TPD52: variants seen among roughly 807,000 people sequenced by gnomAD.
The protein encoded by TPD52 is prostate and colon associated protein.
TPD52 carries 17 observed loss-of-function variants against 31.3 expected under a neutral mutation model. The observed-to-expected ratio is 0.54, with a 90% CI of 0.37 to 0.82. The LOEUF (loss-of-function observed/expected upper bound fraction) is 0.82. TPD52 is among the 40% of genes least tolerant of loss of function. The pLI is 0.00. For synonymous variants in TPD52, 83 were observed against 89.6 expected, an observed-to-expected ratio of 0.93 and a Z score of 0.42; for missense variants, 212 against 240.1, an observed-to-expected ratio of 0.88 and a Z score of 0.77.
intron 1 of TPD52, among the ~76,000 whole-genome samples, chr8:80,133,314 C>T (rs1049815403): frequency 7.9e-5 from 12 of 152,126 alleles, no homozygotes; most frequent in African/African-American, 2.9e-4. Context: ...CGGTGACAGC[C>T]TGTGATTGAC....
intron 5 of TPD52, among the ~76,000 whole-genome samples, chr8:80,044,584 TGCACACAC>T: frequency 7.2e-6 from 1 of 139,260 alleles, no homozygotes; most frequent in Non-Finnish European, 1.5e-5. Context: ...AAATGAAGCA[TGCACACAC>T]ACACATACAC....
intron 5 of TPD52, among the ~76,000 whole-genome samples, chr8:80,049,503 G>A (rs535798443): frequency 1.3e-4 from 20 of 152,198 alleles, no homozygotes; most frequent in African/African-American, 3.9e-4. Context: ...AGGGGTAAGT[G>A]TCACCAAGAT....
rs1421342927 is a variant in TPD52 at position 80,171,354 on chromosome 8, C to T, written c.19+71G>A. ...AGCCGCCGGGCCGCGCTCAGCCCCG[C>T]GCCGAGCCAAAGCCCGAGTCCAAGC... On this transcript the variant is annotated intron_variant, in intron 1 of 7. Coordinates refer to ENST00000518937, the MANE Select transcript of TPD52 (RefSeq NM_001025253.3). 10 of 1,575,554 alleles carry T rather than the reference C, an allele frequency of 6.3e-6. No individual in the cohort carries two copies. In the Admixed American group the frequency reaches 1.7e-4, roughly 27 times the overall value.
intron 1 of TPD52, among the ~76,000 whole-genome samples, chr8:80,095,597 G>A (rs751545415): frequency 2.0e-5 from 3 of 152,154 alleles, no homozygotes; most frequent in Non-Finnish European, 4.4e-5. Context: ...AACTAGGGGC[G>A]TGAAGGAACT....
chr8:80,072,317 A>ATATGTGTGCGTGTGTG (rs1554582865), intron 1 of TPD52, among the ~76,000 whole-genome samples: 19 of 121,312 alleles, frequency 1.6e-4, no homozygotes, highest in African/African-American at 5.5e-4. Flanking sequence ...AAAAACATAT[A>ATATGTGTGCGTGTGTG]TGTGTGTGTG....
intron 1 of TPD52, among the ~76,000 whole-genome samples, chr8:80,145,530 C>T (rs994718009): frequency 5.9e-5 from 9 of 152,292 alleles, no homozygotes; most frequent in East Asian, 1.9e-4. Context: ...GCAGGTGCTC[C>T]GGGAATGGGA....
chr8:80,099,674 C>A (rs563019970), intron 1 of TPD52, among the ~76,000 whole-genome samples: 118 of 152,210 alleles, frequency 7.8e-4, no homozygotes, highest in South Asian at 1.9e-3. Context: ...CCACGCCCAG[C>A]TAATTTTTGT....
chr8:80,085,278 A>C (rs1179947922), intron 1 of TPD52, among the ~76,000 whole-genome samples: 1 of 152,250 alleles, frequency 6.6e-6, no homozygotes, highest in Non-Finnish European at 1.5e-5. Context: ...CTGCAGGGTA[A>C]TAACCGGAGA....
At chr8:80,073,641 A>T (rs1188559881) in intron 1 of TPD52, among the ~76,000 whole-genome samples, 4 of 152,202 alleles carry the variant, frequency 2.6e-5, no homozygotes, top group African/African-American at 9.7e-5. Flanking sequence ...GGATAAATGG[A>T]TTATAGGAAG....
intron 1 of TPD52, 77 bp from the exon 2 acceptor site, chr8:80,064,670 G>T: frequency 9.4e-7 from 1 of 1,059,026 alleles, no homozygotes; most frequent in Non-Finnish European, 1.5e-6. Context: ...CACTGTCCTA[G>T]CCAGAATAAA....
At chr8:80,113,710 AGCT>A (rs1807665032) in intron 1 of TPD52, among the ~76,000 whole-genome samples, 1 of 152,172 alleles carries the variant, frequency 6.6e-6, no homozygotes, top group African/African-American at 2.4e-5. Context: ...CATATGTGGG[AGCT>A]AAAAAAAATG....
chr8:80,143,978 G>A (rs936627230), intron 1 of TPD52, among the ~76,000 whole-genome samples: 12 of 152,052 alleles, frequency 7.9e-5, no homozygotes, highest in Non-Finnish European at 1.3e-4. Context: ...AATCTGTAAG[G>A]TGAAATCCAT....
At chr8:80,044,315 C>T (rs1229852696) in intron 5 of TPD52, 107 bp from the exon 6 acceptor site, 5 of 848,742 alleles carry the variant, frequency 5.9e-6, no homozygotes, top group South Asian at 1.7e-5. Flanking sequence ...ATTCTCTTGG[C>T]GCCATGAAGA....
chr8:80,060,185 C>T (rs1812365302), intron 2 of TPD52, among the ~76,000 whole-genome samples: 1 of 137,882 alleles, frequency 7.3e-6, no homozygotes, highest in African/African-American at 2.7e-5. Flanking sequence ...TAACTAAAAT[C>T]AAATGAAAGT....
chr8:80,163,575 G>A (rs1204267609), intron 1 of TPD52, among the ~76,000 whole-genome samples: 1 of 152,104 alleles, frequency 6.6e-6, no homozygotes, highest in Non-Finnish European at 1.5e-5. Context: ...TAACACTATC[G>A]TACTGTACAT....
At chr8:80,146,521 G>A (rs560594339) in intron 1 of TPD52, among the ~76,000 whole-genome samples, 1 of 152,308 alleles carries the variant, frequency 6.6e-6, no homozygotes, top group African/African-American at 2.4e-5. Flanking sequence ...CATTAATGTG[G>A]TGAGCATCAT....
chr8:80,130,777 T>C (rs1208193270), intron 1 of TPD52, among the ~76,000 whole-genome samples: 2 of 152,206 alleles, frequency 1.3e-5, no homozygotes. Flanking sequence ...TGGCATTTTC[T>C]GTTCAGTAAG....
At position 80,171,478 on chromosome 8, in the gene TPD52, C is replaced by T; in HGVS notation, c.-35G>A. The T allele has an allele frequency of 6.4e-7, 1 of 1,562,068 alleles. No individual in the cohort carries two copies. Among genetic ancestry groups the T allele is most frequent in the Non-Finnish European group, 8.6e-7 (1 of 1,165,902 alleles). ...CCGCCGCCTCGTGTCCTCTGCAGCA[C>T]CCCCGCCTGCAGCCCGTCCCGGCTC... is the stretch of plus-strand genomic sequence containing the variant. On this transcript the variant is annotated 5_prime_UTR_variant, in exon 1 of 8. In the 5' UTR this introduces an upstream ATG that the reference lacks. Coordinates refer to ENST00000518937, the MANE Select transcript of TPD52 (RefSeq NM_001025253.3).
chr8:80,087,853 C>A (rs1410791599), intron 1 of TPD52, among the ~76,000 whole-genome samples: 1 of 152,234 alleles, frequency 6.6e-6, no homozygotes, highest in South Asian at 2.1e-4. Context: ...CACACCTCTT[C>A]ATTCCCCGAC....
Sources: allele counts gnomAD v4.1 joint callset (sites outside exome capture counted in the v4.1 genomes callset), GRCh38; gene constraint gnomAD v4.1.1; transcripts MANE v1.5; gene names NCBI Gene and HGNC (gene_info 2026-07-23, HGNC 2026-07-21).